DPF3: variants seen among roughly 807,000 people sequenced by gnomAD.
DPF3 encodes zinc finger protein DPF3.
Under a neutral mutation model 56.8 loss-of-function variants are expected in DPF3, and 18 were observed. That is an observed-to-expected ratio of 0.32 (90% CI 0.22 to 0.47). DPF3 has a LOEUF of 0.47. Ranked by LOEUF, DPF3 falls within the 20% of genes least tolerant of loss-of-function variation. The pLI is 1.00. For missense variants in DPF3, 403 were observed against 488.8 expected (o/e 0.82, Z 1.65); for synonymous variants, 188 against 180.2 (o/e 1.04, Z -0.35).
At chr14:72,894,015 T>G in intron 1 of DPF3, 42 bp downstream of exon 1, 1 of 1,606,556 alleles carries the variant, frequency 6.2e-7, no homozygotes, top group Non-Finnish European at 8.5e-7. Context: ...TTTTTTCATA[T>G]TGAAACCACG....
intron 2 of DPF3, among the ~76,000 whole-genome samples, chr14:72,769,225 C>T (rs1891417039): frequency 1.3e-5 from 2 of 152,140 alleles, no homozygotes; most frequent in Non-Finnish European, 1.5e-5. Flanking sequence ...AACAGCACTG[C>T]GGTCTCTAAG....
At chr14:72,847,124 T>C (rs1055906723) in intron 1 of DPF3, among the ~76,000 whole-genome samples, 3 of 152,202 alleles carry the variant, frequency 2.0e-5, no homozygotes, top group African/African-American at 7.2e-5. Context: ...CCAGGAGGGA[T>C]TCCCCAGATA....
chr14:72,626,924 A>G (rs1369496257), intron 9 of DPF3, among the ~76,000 whole-genome samples: 2 of 143,220 alleles, frequency 1.4e-5, no homozygotes, highest in Non-Finnish European at 3.0e-5. Flanking sequence ...GTGCATTTGA[A>G]CTTTTTTTTT....
chr14:72,861,054 CACACACACACACACAG>C (rs1268092885), intron 1 of DPF3, among the ~76,000 whole-genome samples: 1,150 of 105,326 alleles, frequency 0.011, 10 homozygotes, highest in African/African-American at 0.036. Context: ...CACACACACA[CACACACACACACACAG>C]ACACATACAC....
At chr14:72,692,972 G>T in intron 7 of DPF3, 104 bp downstream of exon 7, 3 of 1,547,634 alleles carry the variant, frequency 1.9e-6, no homozygotes, top group Non-Finnish European at 2.6e-6. Flanking sequence ...CCACTCAACG[G>T]TTGCTACCAG....
chr14:72,682,428 G>T (rs1887203806), intron 7 of DPF3, among the ~76,000 whole-genome samples: 1 of 152,186 alleles, frequency 6.6e-6, no homozygotes, highest in South Asian at 2.1e-4. Flanking sequence ...TATCAACCAG[G>T]CTCTGAACAA....
intron 8 of DPF3, among the ~76,000 whole-genome samples, chr14:72,673,827 A>G (rs907529097): frequency 6.6e-6 from 1 of 152,190 alleles, no homozygotes; most frequent in African/African-American, 2.4e-5. Flanking sequence ...TCATGTTTCC[A>G]CACCACACCA....
At chr14:72,872,285 C>T (rs984448883) in intron 1 of DPF3, among the ~76,000 whole-genome samples, 32 of 152,194 alleles carry the variant, frequency 2.1e-4, no homozygotes, top group Non-Finnish European at 4.1e-4. Context: ...CCGTGAAGGT[C>T]TCTGACATGG....
At chr14:72,856,006 TAAAG>T (rs949412425) in intron 1 of DPF3, among the ~76,000 whole-genome samples, 31 of 152,344 alleles carry the variant, frequency 2.0e-4, no homozygotes, top group African/African-American at 6.5e-4. Flanking sequence ...GGGTGAATTG[TAAAG>T]AAAGAAAGAA....
intron 6 of DPF3, among the ~76,000 whole-genome samples, chr14:72,698,021 A>G (rs1325113924): frequency 6.6e-6 from 1 of 152,188 alleles, no homozygotes; most frequent in East Asian, 1.9e-4. Flanking sequence ...TCCTCTGCCT[A>G]GAATGTCCCC....
At chr14:72,727,776 T>C (rs2139848707) in intron 4 of DPF3, among the ~76,000 whole-genome samples, 1 of 152,268 alleles carries the variant, frequency 6.6e-6, no homozygotes, top group Admixed American at 6.5e-5. Context: ...CCCAGCACAG[T>C]GCCTGCACAG....
At chr14:72,734,620 A>C (rs1474874934) in intron 3 of DPF3, among the ~76,000 whole-genome samples, 2 of 152,144 alleles carry the variant, frequency 1.3e-5, no homozygotes, top group Non-Finnish European at 2.9e-5. Flanking sequence ...TATTAGTGTT[A>C]TTTCCCAGAA....
chr14:72,773,081 CAA>C (rs1470831905), intron 1 of DPF3, among the ~76,000 whole-genome samples: 1 of 150,322 alleles, frequency 6.7e-6, no homozygotes, highest in Non-Finnish European at 1.5e-5. Flanking sequence ...ATTTCTTAAC[CAA>C]AGTATTTAGA....
intron 3 of DPF3, among the ~76,000 whole-genome samples, chr14:72,733,700 G>A (rs557201651): frequency 2.6e-5 from 4 of 152,162 alleles, no homozygotes; most frequent in Non-Finnish European, 5.9e-5. Flanking sequence ...AGACGGAAAA[G>A]CATGGATCTG....
chr14:72,671,037 T>G, intron 8 of DPF3: 1 of 1,506,434 alleles, frequency 6.6e-7, no homozygotes, highest in Non-Finnish European at 8.9e-7. Context: ...AGGGAAAATC[T>G]AAAGTTGCCT....
chr14:72,732,920 T>C (rs1230282684), intron 3 of DPF3, among the ~76,000 whole-genome samples: 2 of 151,238 alleles, frequency 1.3e-5, no homozygotes, highest in Non-Finnish European at 1.5e-5. Context: ...CTTTCTTTCT[T>C]TCTCTCTCTC....
chr14:72,733,361 G>T (rs1447978565), intron 3 of DPF3, among the ~76,000 whole-genome samples: 3 of 151,928 alleles, frequency 2.0e-5, no homozygotes, highest in Non-Finnish European at 4.4e-5. Context: ...GGGGAGAGGT[G>T]ATTAAGGGAT....
intron 4 of DPF3, among the ~76,000 whole-genome samples, chr14:72,727,198 T>A (rs1426729684): frequency 6.6e-6 from 1 of 152,144 alleles, no homozygotes; most frequent in Non-Finnish European, 1.5e-5. Flanking sequence ...CTTGGGGCCA[T>A]CACACCCACT....
intron 9 of DPF3, among the ~76,000 whole-genome samples, chr14:72,628,597 T>C (rs1183718149): frequency 2.0e-5 from 3 of 151,928 alleles, no homozygotes; most frequent in East Asian, 3.9e-4. Flanking sequence ...TACATCCTGA[T>C]GAAAGTGTAC....
Sources: gnomAD v4.1 joint callset for allele counts (sites outside exome capture counted in the v4.1 genomes callset) on GRCh38, gnomAD v4.1.1 for gene constraint, MANE v1.5 for transcripts, NCBI Gene and HGNC (gene_info 2026-07-23, HGNC 2026-07-21) for gene names.